The following SLC4A8 variants were observed in gnomAD, a reference collection of about 807,000 sequenced individuals.
The protein encoded by SLC4A8 is solute carrier family 4 member 8.
SLC4A8 carries 40 observed loss-of-function variants against 125.0 expected under a neutral mutation model. That is an observed-to-expected ratio of 0.32 (90% CI 0.25 to 0.42). The LOEUF is 0.42. Ranked by LOEUF, SLC4A8 falls within the 10% of genes least tolerant of loss-of-function variation. SLC4A8 has a pLI of 1.00. For missense variants in SLC4A8, 863 were observed against 1,355.1 expected (o/e 0.64, Z 5.70); for synonymous variants, 456 against 476.0 (o/e 0.96, Z 0.55).
At chr12:51,498,558 TAATTGA>T (rs1437455990) in intron 22 of SLC4A8, among the ~76,000 whole-genome samples, 5 of 151,626 alleles carry the variant, frequency 3.3e-5, no homozygotes, top group Admixed American at 6.6e-5. Context: ...GGCAAGACTG[TAATTGA>T]AATTGGCTTC....
chr12:51,405,832 C>T (rs1372818000), intron 1 of SLC4A8, among the ~76,000 whole-genome samples: 2 of 152,178 alleles, frequency 1.3e-5, no homozygotes, highest in Non-Finnish European at 2.9e-5. Context: ...TAAAAAGTTC[C>T]AGCCTTTGTC....
intron 11 of SLC4A8, among the ~76,000 whole-genome samples, chr12:51,467,172 C>A (rs1266513044): frequency 2.0e-5 from 3 of 152,142 alleles, no homozygotes; most frequent in Non-Finnish European, 4.4e-5. Flanking sequence ...GGCTATTTAC[C>A]TAGAGGAGAA....
intron 2 of SLC4A8, among the ~76,000 whole-genome samples, chr12:51,449,969 C>T (rs985292193): frequency 6.6e-6 from 1 of 151,982 alleles, no homozygotes; most frequent in Non-Finnish European, 1.5e-5. Flanking sequence ...TTCAAGGCTA[C>T]AGTAAGATAT....
At chr12:51,463,765 G>A in intron 11 of SLC4A8, 51 bp downstream of exon 11, 1 of 1,246,430 alleles carries the variant, frequency 8.0e-7, no homozygotes. Flanking sequence ...TAGAAGTTAT[G>A]CAAAGGAATG....
At chr12:51,446,037 C>A (rs529689703) in intron 2 of SLC4A8, among the ~76,000 whole-genome samples, 2 of 152,282 alleles carry the variant, frequency 1.3e-5, no homozygotes, top group Non-Finnish European at 2.9e-5. Context: ...AATGAGTTAA[C>A]AAATTGTATT....
chr12:51,456,440 G>A (rs1431937027), intron 5 of SLC4A8, among the ~76,000 whole-genome samples: 1 of 152,100 alleles, frequency 6.6e-6, no homozygotes, highest in Non-Finnish European at 1.5e-5. Context: ...GAAGTGCATA[G>A]GACTGAAGTA....
chr12:51,424,910 T>C lies in SLC4A8; in HGVS notation c.-78T>C, dbSNP rs1592159555. 1.4e-6 allele frequency: 2 copies of C among 1,470,644 alleles called. No homozygotes were observed. The highest frequency in any genetic ancestry group is 2.6e-5 in the East Asian group (1 of 38,612). The allele number at this position is 1,470,644 out of a possible 1,614,324, so 91.1% of individuals were successfully genotyped here. On this transcript the variant is annotated 5_prime_UTR_variant, in exon 1 of 25. Transcript: ENST00000453097. ...GGTGGGGGTCGCCGTTCGAGTGATCTGCTCAGACCCGACCAGAGGGCGCGG... is the reference window on the plus strand; with the variant it reads ...GGTGGGGGTCGCCGTTCGAGTGATCCGCTCAGACCCGACCAGAGGGCGCGG...
chr12:51,453,551 T>C lies in SLC4A8; in HGVS notation c.426T>C (p.Phe142=), dbSNP rs1363429094. 3 of 1,613,802 alleles carry C rather than the reference T, an allele frequency of 1.9e-6. No homozygotes were observed. Among genetic ancestry groups the C allele is most frequent in the Non-Finnish European group, 2.5e-6 (3 of 1,179,908 alleles). ...GTAATGCTTTCAGGTGGCTGAAGTT[T>C]GAAGAAGATGTTGAAGATGGGGGAG... The part of the protein sequence containing the change: ...EWKETARWLK[F]EEDVEDGGER... The change falls in exon 5 of 25, where the codon TTT becomes TTC. Residue 142 remains phenylalanine, a synonymous_variant. Transcript: ENST00000453097.
At chr12:51,466,920 A>C (rs1376641880) in intron 11 of SLC4A8, among the ~76,000 whole-genome samples, 1 of 150,474 alleles carries the variant, frequency 6.6e-6, no homozygotes, top group East Asian at 2.0e-4. Flanking sequence ...TATTCATTGC[A>C]GCATCTCAGG....
At chr12:51,492,827 C>T (rs1210542110) in intron 19 of SLC4A8, among the ~76,000 whole-genome samples, 1 of 152,000 alleles carries the variant, frequency 6.6e-6, no homozygotes, top group Non-Finnish European at 1.5e-5. Flanking sequence ...TGTCCTAATG[C>T]TCTCCCTCCC....
intron 1 of SLC4A8, among the ~76,000 whole-genome samples, chr12:51,413,082 T>C (rs772470128): frequency 1.1e-4 from 16 of 152,286 alleles, no homozygotes; most frequent in Non-Finnish European, 2.1e-4. Flanking sequence ...AACATTCGTG[T>C]TTTTTTGTCT....
At chr12:51,436,996 TAC>T (rs1949443244) in intron 1 of SLC4A8, among the ~76,000 whole-genome samples, 1 of 152,330 alleles carries the variant, frequency 6.6e-6, no homozygotes. Flanking sequence ...TAGCAAATTA[TAC>T]AGTTTTCTCC....
rs762924472 is a variant in SLC4A8, at chr12:51,485,864, C to T, written c.2250C>T (p.Val750=). ...TGATTATTGATTTTTTGATTGGAGT[C>T]CCATCACCAAAGCTTCAAGTTCCCA... is the stretch of plus-strand genomic sequence containing the variant. ...TMVIIDFLIG[V]PSPKLQVPSV... is the part of the protein sequence containing the mutation. Residue 750 remains valine, a synonymous_variant, in exon 17 of 25, where the codon GTC becomes GTT. Coordinates refer to ENST00000453097, the MANE Select transcript of SLC4A8 (RefSeq NM_001039960.3). 2.5e-6 allele frequency: 4 copies of T among 1,612,142 alleles called. No individual in the cohort carries two copies. The highest frequency in any genetic ancestry group is 2.5e-6 in the Non-Finnish European group (3 of 1,178,270).
intron 14 of SLC4A8, 139 bp from the exon 15 acceptor site, chr12:51,474,203 G>GT: frequency 3.8e-6 from 2 of 521,078 alleles, no homozygotes; most frequent in South Asian, 3.6e-5. Flanking sequence ...GCCTACAGAG[G>GT]GGCCTCAGCT....
chr12:51,458,792 G>A (rs1281626171), intron 7 of SLC4A8, 142 bp downstream of exon 7: 1 of 606,732 alleles, frequency 1.6e-6, no homozygotes, highest in Non-Finnish European at 2.9e-6. Context: ...ATAAAAGGGG[G>A]CCCATCTCTG....
At chr12:51,407,995 C>T (rs981163694) in intron 1 of SLC4A8, 6 of 152,294 alleles carry the variant, frequency 3.9e-5, no homozygotes, top group African/African-American at 1.4e-4. Context: ...CTCCAATTCT[C>T]CATCCTCATA....
In SLC4A8 at chr12:51,425,171, G is replaced by A. The variant is rs541721555; in HGVS notation, c.48+136G>A. 1.7e-5 allele frequency: 25 copies of A among 1,430,776 alleles called. No individual in the cohort carries two copies. The African/African-American group carries it at 3.2e-4, about 18-fold the overall frequency. 88.6% of individuals were successfully genotyped at this position (1,430,776 alleles called of 1,614,324 possible). On this transcript the variant is annotated intron_variant, in intron 1 of 24. Transcript: ENST00000453097. ...TGAGGGCGAGGGGAGGCCAGCCCGG[G>A]ACACCAGGGGGCGCTCCGGGCGGTT...
rs1270374870 is a variant in SLC4A8, at chr12:51,485,843, T to G, written c.2229T>G (p.Ile743Met). The change falls in exon 17 of 25, where the codon ATT becomes ATG. Residue 743 changes from isoleucine (I) to methionine (M), a missense_variant. By Grantham distance (10) the Ile-to-Met change is conservative. Around this residue, in one of 6 missense-constraint regions of SLC4A8, gnomAD observed 197 missense variants for 377.7 expected, o/e 0.52. Transcript: ENST00000453097. ...TCCTCACTATCTTCACAATGGTGAT[T>G]ATTGATTTTTTGATTGGAGTCCCAT... ...AVFLTIFTMV[I>M]IDFLIGVPSP... is the part of the protein sequence containing the mutation. 3.1e-6 allele frequency: 5 copies of G among 1,613,734 alleles called. No homozygotes were observed. Among genetic ancestry groups the G allele is most frequent in the Admixed American group, 1.7e-5 (1 of 60,006 alleles).
At chr12:51,466,485 C>T (rs572575942) in intron 11 of SLC4A8, 2 of 152,276 alleles carry the variant, frequency 1.3e-5, no homozygotes, top group Non-Finnish European at 2.9e-5. Context: ...TAAGTCAATG[C>T]TCCAGAGCCT....
Sources: gnomAD v4.1 joint callset for allele counts (sites outside exome capture counted in the v4.1 genomes callset) on GRCh38, gnomAD v4.1.1 for gene constraint, gnomAD v4.1.1 regional missense constraint, MANE v1.5 for transcripts, NCBI Gene and HGNC (gene_info 2026-07-23, HGNC 2026-07-21) for gene names.